The following L3MBTL3 variants were observed in gnomAD, a reference collection of about 807,000 sequenced individuals.
L3MBTL3 encodes lethal(3)malignant brain tumor-like protein 3.
L3MBTL3 carries 27 observed loss-of-function variants against 102.3 expected under a neutral mutation model. That is an observed-to-expected ratio of 0.26 (90% CI 0.19 to 0.36). L3MBTL3 has a LOEUF of 0.36. Ranked by LOEUF, L3MBTL3 falls within the 10% of genes least tolerant of loss-of-function variation. The probability of loss-of-function intolerance (pLI) is 1.00; values close to 1 mark genes in which losing one functional copy is unlikely to be tolerated. For missense variants in L3MBTL3, 798 were observed against 955.3 expected (o/e 0.84, Z 2.17); for synonymous variants, 340 against 320.9 (o/e 1.06, Z -0.64).
At chr6:130,102,530 A>C (rs1036981174) in intron 18 of L3MBTL3, among the ~76,000 whole-genome samples, 2 of 152,224 alleles carry the variant, frequency 1.3e-5, no homozygotes, top group Non-Finnish European at 2.9e-5. Context: ...CATCAGCTTC[A>C]GATGTAATGT....
intron 2 of L3MBTL3, among the ~76,000 whole-genome samples, 189 bp from the exon 3 acceptor site, chr6:130,042,496 T>C (rs746434104): frequency 2.4e-4 from 37 of 152,362 alleles, no homozygotes; most frequent in Non-Finnish European, 4.3e-4. Context: ...TTTTTCTCTA[T>C]ACTTTTCCAA....
intron 12 of L3MBTL3, among the ~76,000 whole-genome samples, chr6:130,069,006 G>A (rs1344833781): frequency 6.6e-6 from 1 of 152,214 alleles, no homozygotes; most frequent in East Asian, 1.9e-4. Context: ...GCAAGCCAGT[G>A]GAAAACCAAA....
At chr6:130,104,019 C>T (rs1214321158) in intron 18 of L3MBTL3, among the ~76,000 whole-genome samples, 1 of 152,162 alleles carries the variant, frequency 6.6e-6, no homozygotes, top group Non-Finnish European at 1.5e-5. Flanking sequence ...CTGCCCTGGT[C>T]CTGGAGGATC....
intron 19 of L3MBTL3, among the ~76,000 whole-genome samples, chr6:130,112,312 CATCT>C (rs1386699912): frequency 1.1e-4 from 17 of 152,294 alleles, no homozygotes; most frequent in Non-Finnish European, 4.4e-5. Context: ...TCGAACCATC[CATCT>C]GTCTTCCATG....
chr6:130,094,063 C>T (rs766670094), intron 17 of L3MBTL3, among the ~76,000 whole-genome samples: 1 of 152,152 alleles, frequency 6.6e-6, no homozygotes, highest in Non-Finnish European at 1.5e-5. Flanking sequence ...TGTGAATAGT[C>T]ATAAGGAAAA....
rs1283624202 is a variant in L3MBTL3 at position 130,104,532 on chromosome 6, A to G, written c.1843A>G (p.Lys615Glu). The stretch of plus-strand genomic sequence containing the variant: ...GGCTAGTCCGTCATTTCCAAGAAAT[A>G]AAAGGACAGATGCAAATGAAAGCTC... ...PPASPSFPRNKRTDANESSSS... is the reference protein window; with the variant it reads ...PPASPSFPRNERTDANESSSS... Residue 615 changes from lysine to glutamate, a missense_variant, in exon 19 of 23, where the codon AAA becomes GAA. Physicochemically the swap from Lys to Glu is moderately conservative, Grantham distance 56. Transcript: ENST00000361794. The G allele has an allele frequency of 1.1e-5, 17 of 1,592,252 alleles. No individual in the cohort carries two copies. The highest frequency in any genetic ancestry group is 1.5e-5 in the Non-Finnish European group (17 of 1,171,028).
rs137981266 is a variant in L3MBTL3 at position 130,055,275 on chromosome 6, G to A, written c.667+20G>A. On this transcript the variant is annotated intron_variant, in intron 8 of 22. Coordinates refer to ENST00000361794, the MANE Select transcript of L3MBTL3 (RefSeq NM_032438.4). ...AGCAGGGTGAGCTGATGAAAATAAAGTCTTACTTGTAACTTTATGAAATTG... is the reference window on the plus strand; with the variant it reads ...AGCAGGGTGAGCTGATGAAAATAAAATCTTACTTGTAACTTTATGAAATTG... 6.3e-7 allele frequency: 1 copy of A among 1,578,940 alleles called. No individual in the cohort carries two copies. The highest frequency in any genetic ancestry group is 1.4e-5 in the African/African-American group (1 of 73,568).
rs1328430690 is a variant in L3MBTL3 at position 130,140,629 on chromosome 6, T to G, written c.*876T>G. 1 of 152,190 alleles carries G rather than the reference T, an allele frequency of 6.6e-6. No homozygotes were observed. Among genetic ancestry groups the G allele is most frequent in the East Asian group, 1.9e-4 (1 of 5,194 alleles). 9.4% of individuals were successfully genotyped at this position (152,190 alleles called of 1,614,324 possible). On this transcript the variant is annotated 3_prime_UTR_variant, in exon 23 of 23. Coordinates refer to ENST00000361794, the MANE Select transcript of L3MBTL3 (RefSeq NM_032438.4). ...ATGTTTGTGAGGGTCTTGAACTATT[T>G]ATGAGATGATCTTGAGCTTCTAATT...
intron 5 of L3MBTL3, among the ~76,000 whole-genome samples, chr6:130,050,534 A>G (rs928945830): frequency 6.6e-6 from 1 of 152,208 alleles, no homozygotes; most frequent in African/African-American, 2.4e-5. Context: ...GGCTGAATGA[A>G]TCACTTCTTC....
At position 130,092,958 on chromosome 6, in the gene L3MBTL3, C is replaced by T. The variant is rs538109685; in HGVS notation, c.1633+99C>T. On this transcript the variant is annotated intron_variant, in intron 17 of 22. Transcript: ENST00000361794. Reference sequence around the variant, plus strand: ...CTTTCTTTTTCTCCTCCTCTCTCTACTGATGTTTCTTCTCTATGTAATCCC... The same window carrying T: ...CTTTCTTTTTCTCCTCCTCTCTCTATTGATGTTTCTTCTCTATGTAATCCC... The T allele has an allele frequency of 2.0e-5, 14 of 693,080 alleles. No individual in the cohort carries two copies. In the African/African-American group the frequency reaches 2.3e-4, roughly 11 times the overall value. The allele number at this position is 693,080 out of a possible 1,614,324, so 42.9% of individuals were successfully genotyped here.
chr6:130,098,975 A>G (rs1784522677), intron 18 of L3MBTL3, among the ~76,000 whole-genome samples: 1 of 149,502 alleles, frequency 6.7e-6, no homozygotes. Context: ...ATATACAATT[A>G]TTGTATATTG....
At chr6:130,085,827 C>T (rs568436590) in intron 15 of L3MBTL3, among the ~76,000 whole-genome samples, 1 of 152,102 alleles carries the variant, frequency 6.6e-6, no homozygotes, top group South Asian at 2.1e-4. Flanking sequence ...CACAATCTCA[C>T]CTCACTACTC....
rs1787314868 is a variant in L3MBTL3 at position 130,133,762 on chromosome 6, A to G, written c.2137-81A>G. ...ATTGTGAGAGAAATAACTAATGCAT[A>G]TGGGTTAAATGTTTTGAACCTGTAG... On this transcript the variant is annotated intron_variant, in intron 21 of 22. Coordinates refer to ENST00000361794, the MANE Select transcript of L3MBTL3 (RefSeq NM_032438.4). This position sits in a 1 kb window ranked among gnomAD's most constrained non-coding sequence, Gnocchi z 4.9. 1.4e-6 allele frequency: 2 copies of G among 1,459,798 alleles called. No individual in the cohort carries two copies. The highest frequency in any genetic ancestry group is 1.4e-5 in the African/African-American group (1 of 71,296). The allele number at this position is 1,459,798 out of a possible 1,614,324, so 90.4% of individuals were successfully genotyped here. A position where few individuals can be genotyped will look rare whatever the true frequency, so the allele number is the denominator to read the frequency against.
chr6:130,081,691 C>T (rs1487094072), intron 14 of L3MBTL3, among the ~76,000 whole-genome samples: 2 of 151,940 alleles, frequency 1.3e-5, no homozygotes, highest in Non-Finnish European at 2.9e-5. Context: ...TCCCAAAATG[C>T]TGGGATTACA....
chr6:130,058,909 C>T (rs1781706430), intron 9 of L3MBTL3, among the ~76,000 whole-genome samples: 1 of 152,074 alleles, frequency 6.6e-6, no homozygotes, highest in Non-Finnish European at 1.5e-5. Flanking sequence ...TAGGTGTGAA[C>T]ATAGCAAGCT....
intron 2 of L3MBTL3, among the ~76,000 whole-genome samples, chr6:130,034,157 C>T (rs893322797): frequency 1.3e-5 from 2 of 152,194 alleles, no homozygotes; most frequent in African/African-American, 4.8e-5. Context: ...GTTTTATCCA[C>T]TCCTGGCAGA....
At position 130,068,804 on chromosome 6, in the gene L3MBTL3, C is replaced by T. The variant is rs191884459; in HGVS notation, c.1092+383C>T. ...CTGTTTCAGTTTACATGTAGGAGGT[C>T]ACTGGAGACTGTGACATATCTTCAC... On this transcript the variant is annotated intron_variant, in intron 12 of 22. Transcript: ENST00000361794. 3.7e-4 allele frequency among the ~76,000 whole-genome samples: 57 copies of T among 152,272 alleles called. 1 individual carries two copies. The East Asian group carries it at 0.01, about 27-fold the overall frequency.
intron 6 of L3MBTL3, 95 bp from the exon 7 acceptor site, chr6:130,052,764 G>A: frequency 7.1e-7 from 1 of 1,412,948 alleles, no homozygotes; most frequent in Non-Finnish European, 9.4e-7. Context: ...TTTGCAGGGT[G>A]ATTTTTTTTT....
chr6:130,022,782 A>G (rs949290058), intron 2 of L3MBTL3, among the ~76,000 whole-genome samples: 1 of 152,218 alleles, frequency 6.6e-6, no homozygotes, highest in Non-Finnish European at 1.5e-5. Flanking sequence ...CTTAAATCCA[A>G]GATGGGCTGA....
Sources: allele counts gnomAD v4.1 joint callset (sites outside exome capture counted in the v4.1 genomes callset), GRCh38; gene constraint gnomAD v4.1.1; non-coding constraint Gnocchi (gnomAD v3.1); transcripts MANE v1.5; gene names NCBI Gene and HGNC (gene_info 2026-07-23, HGNC 2026-07-21).